Variants in SPOCK3 observed in about 807,000 individuals in gnomAD.
SPOCK3 encodes the protein testican-3.
SPOCK3 carries 30 observed loss-of-function variants against 56.6 expected under a neutral mutation model. The observed-to-expected ratio is 0.53, with a 90% CI of 0.40 to 0.72. SPOCK3 has a LOEUF of 0.72. SPOCK3 is among the 30% of genes least tolerant of loss of function. The pLI, the probability that SPOCK3 is intolerant of heterozygous loss-of-function variation, is 0.00. For synonymous variants in SPOCK3, 196 were observed against 183.3 expected, an observed-to-expected ratio of 1.07 and a Z score of -0.56; for missense variants, 527 against 530.0, an observed-to-expected ratio of 0.99 and a Z score of 0.06.
chr4:167,202,554 A>C (rs969936722), intron 2 of SPOCK3, among the ~76,000 whole-genome samples: 1 of 151,972 alleles, frequency 6.6e-6, no homozygotes, highest in African/African-American at 2.4e-5. Flanking sequence ...AACCACTTTA[A>C]ATAACCCAAT....
chr4:166,766,885 A>T (rs568540358), intron 7 of SPOCK3, among the ~76,000 whole-genome samples: 20 of 152,272 alleles, frequency 1.3e-4, no homozygotes, highest in African/African-American at 4.8e-4. Flanking sequence ...TGGTCTATTC[A>T]GGGATTCAAC....
intron 5 of SPOCK3, 150 bp downstream of exon 5, chr4:166,912,470 G>A: frequency 1.2e-6 from 1 of 843,710 alleles, no homozygotes; most frequent in Non-Finnish European, 1.8e-6. Flanking sequence ...AATGCACATT[G>A]AATCATATTC....
intron 6 of SPOCK3, among the ~76,000 whole-genome samples, chr4:166,854,495 T>C (rs1370926362): frequency 2.0e-5 from 3 of 152,210 alleles, no homozygotes; most frequent in Non-Finnish European, 4.4e-5. Flanking sequence ...TAAAAAACTT[T>C]GTAAAAATGT....
intron 6 of SPOCK3, among the ~76,000 whole-genome samples, chr4:166,817,746 C>T (rs1001881689): frequency 2.0e-5 from 3 of 151,870 alleles, no homozygotes; most frequent in Non-Finnish European, 2.9e-5. Context: ...TTATATCAAA[C>T]AAAATATAAT....
intron 6 of SPOCK3, among the ~76,000 whole-genome samples, chr4:166,856,381 C>T (rs1579440089): frequency 6.6e-6 from 1 of 152,126 alleles, no homozygotes; most frequent in East Asian, 1.9e-4. Flanking sequence ...TGAGGCTATG[C>T]TAATTAGCCC....
At chr4:167,116,474 GTATA>G (rs1187680700) in intron 2 of SPOCK3, among the ~76,000 whole-genome samples, 4 of 70,862 alleles carry the variant, frequency 5.6e-5, no homozygotes, top group East Asian at 7.8e-4. Flanking sequence ...ACACACTTTT[GTATA>G]TATATACTTT....
chr4:167,215,351 A>C (rs1735253892), intron 2 of SPOCK3, among the ~76,000 whole-genome samples: 1 of 152,068 alleles, frequency 6.6e-6, no homozygotes, highest in African/African-American at 2.4e-5. Context: ...ACTCTTAAGA[A>C]ACACGGCTCT....
intron 4 of SPOCK3, among the ~76,000 whole-genome samples, chr4:166,962,708 A>G (rs1055766741): frequency 2.0e-5 from 3 of 152,032 alleles, no homozygotes; most frequent in Non-Finnish European, 4.4e-5. Flanking sequence ...ACTTCCATAG[A>G]CCCTACAAGG....
intron 4 of SPOCK3, among the ~76,000 whole-genome samples, chr4:166,969,245 G>A (rs577665308): frequency 6.6e-6 from 1 of 152,218 alleles, no homozygotes; most frequent in Admixed American, 6.5e-5. Context: ...GCTGGAATGA[G>A]TTACGACTTT....
At chr4:167,163,990 G>A (rs1765541818) in intron 2 of SPOCK3, among the ~76,000 whole-genome samples, 1 of 152,026 alleles carries the variant, frequency 6.6e-6, no homozygotes. Flanking sequence ...GACATGTGAG[G>A]AAATCTTGGA....
chr4:166,944,078 C>T lies in SPOCK3; in HGVS notation c.351-31335G>A, dbSNP rs570434221. 9.9e-5 allele frequency among the ~76,000 whole-genome samples: 15 copies of T among 152,074 alleles called. 1 individual carries two copies. The highest frequency in any genetic ancestry group is 2.9e-4 in the African/African-American group (12 of 41,500). On this transcript the variant is annotated intron_variant, in intron 4 of 10. Coordinates refer to ENST00000357545, the MANE Select transcript of SPOCK3 (RefSeq NM_001040159.2). ...AGGAGAATCACTTGAACCCGGGAGGCGAAGGTTACAGTGAGACGGGTTTGC... is the reference window on the plus strand; with the variant it reads ...AGGAGAATCACTTGAACCCGGGAGGTGAAGGTTACAGTGAGACGGGTTTGC...
At chr4:166,895,025 G>A (rs1439110793) in intron 5 of SPOCK3, among the ~76,000 whole-genome samples, 1 of 152,010 alleles carries the variant, frequency 6.6e-6, no homozygotes, top group Non-Finnish European at 1.5e-5. Context: ...CAAAAGGCTA[G>A]TAGGTTTATC....
intron 3 of SPOCK3, among the ~76,000 whole-genome samples, chr4:167,059,766 TG>T (rs1755371466): frequency 6.6e-6 from 1 of 152,162 alleles, no homozygotes; most frequent in South Asian, 2.1e-4. Context: ...TGTCCAACAA[TG>T]ATAGACTGGA....
intron 4 of SPOCK3, among the ~76,000 whole-genome samples, chr4:166,928,391 C>G (rs1040289476): frequency 6.6e-6 from 1 of 152,122 alleles, no homozygotes; most frequent in African/African-American, 2.4e-5. Flanking sequence ...TTAGTCAGCA[C>G]TAAAAATAAA....
chr4:166,737,490 C>A lies in SPOCK3; in HGVS notation c.1109G>T (p.Arg370Ile), dbSNP rs548604092. 1.2e-6 allele frequency: 2 copies of A among 1,613,054 alleles called. No individual in the cohort carries two copies. The highest frequency in any genetic ancestry group is 1.7e-6 in the Non-Finnish European group (2 of 1,179,530). The change falls in exon 10 of 11, where the codon AGA (arginine) becomes ATA (isoleucine). Residue 370 changes from arginine (R) to isoleucine (I), a missense_variant. Transcript: ENST00000357545. Reference protein sequence around the residue: ...DRYGNEVMGSRINGVADCAID... With the variant: ...DRYGNEVMGSIINGVADCAID... ...ACCACAATCTGCAACACCATTTATT[C>A]TGGATCCCATGACTTCATTTCCATA... is the stretch of plus-strand genomic sequence containing the variant.
intron 4 of SPOCK3, among the ~76,000 whole-genome samples, chr4:166,920,669 G>A (rs578133670): frequency 2.0e-5 from 3 of 152,238 alleles, no homozygotes; most frequent in Non-Finnish European, 4.4e-5. Flanking sequence ...AGCAGTGACA[G>A]ATATGCAGCT....
At chr4:167,024,493 G>C (rs972162375) in intron 3 of SPOCK3, among the ~76,000 whole-genome samples, 1 of 151,990 alleles carries the variant, frequency 6.6e-6, no homozygotes, top group African/African-American at 2.4e-5. Flanking sequence ...TGCCCTGAGA[G>C]TTAATTTTAA....
chr4:167,010,261 C>T (rs1372940589), intron 3 of SPOCK3, among the ~76,000 whole-genome samples: 3 of 152,018 alleles, frequency 2.0e-5, no homozygotes, highest in African/African-American at 2.4e-5. Context: ...TGGCTCATAC[C>T]TGTTATCCCA....
At chr4:166,802,957 A>T (rs771778557) in intron 6 of SPOCK3, among the ~76,000 whole-genome samples, 5 of 152,158 alleles carry the variant, frequency 3.3e-5, no homozygotes, top group Non-Finnish European at 7.4e-5. Context: ...ATAGAGGGAC[A>T]GATTTGGAGT....
Sources: allele counts gnomAD v4.1 joint callset (sites outside exome capture counted in the v4.1 genomes callset), GRCh38; gene constraint gnomAD v4.1.1; transcripts MANE v1.5; gene names NCBI Gene and HGNC (gene_info 2026-07-23, HGNC 2026-07-21).